PCBP3: variants seen among roughly 807,000 people sequenced by gnomAD.
PCBP3 encodes the protein poly(rC) binding protein 3.
Under a neutral mutation model 52.7 loss-of-function variants are expected in PCBP3, and 25 were observed. That is an observed-to-expected ratio of 0.47 (90% CI 0.35 to 0.66). The LOEUF (loss-of-function observed/expected upper bound fraction) is 0.66. Ranked by LOEUF, PCBP3 falls within the 30% of genes least tolerant of loss-of-function variation. PCBP3 has a pLI of 0.01. For synonymous variants in PCBP3, 162 were observed against 183.0 expected (o/e 0.89, Z 0.93); for missense variants, 391 against 490.3 (o/e 0.80, Z 1.91).
intron 2 of PCBP3, among the ~76,000 whole-genome samples, chr21:45,713,852 CTG>C (rs1883215876): frequency 6.6e-6 from 1 of 152,216 alleles, no homozygotes; most frequent in South Asian, 2.1e-4. Context: ...GGCCCTGCTT[CTG>C]ATTTCTGTTT....
At chr21:45,804,141 T>C (rs977043648) in intron 4 of PCBP3, among the ~76,000 whole-genome samples, 2 of 152,166 alleles carry the variant, frequency 1.3e-5, no homozygotes, top group Non-Finnish European at 2.9e-5. Context: ...GCTGCCCGCG[T>C]GGCTGTAGTG....
chr21:45,845,274 A>G (rs1189288004), intron 4 of PCBP3, among the ~76,000 whole-genome samples: 3 of 152,270 alleles, frequency 2.0e-5, no homozygotes, highest in Admixed American at 6.5e-5. Context: ...ACAGAGAGAC[A>G]GCATGCTGCC....
At chr21:45,894,729 G>A (rs1244290163) in intron 5 of PCBP3, among the ~76,000 whole-genome samples, 1 of 152,208 alleles carries the variant, frequency 6.6e-6, no homozygotes, top group Non-Finnish European at 1.5e-5. Flanking sequence ...GCTTGTGGAT[G>A]TTTAGTTTTA....
At chr21:45,700,015 G>A (rs1241573043) in intron 2 of PCBP3, among the ~76,000 whole-genome samples, 1 of 152,146 alleles carries the variant, frequency 6.6e-6, no homozygotes, top group African/African-American at 2.4e-5. Context: ...TAGCTCAAAT[G>A]TCCACAGTCA....
rs902571783 is a variant in PCBP3 at position 45,880,297 on chromosome 21, G to A, written c.11-15911G>A. The stretch of plus-strand genomic sequence containing the variant: ...CCTGGGCCTCGGAGGGGAGGGGAGC[G>A]CCTGGGGCGCCGCGGTCCTGACCCC... On this transcript the variant is annotated intron_variant, in intron 5 of 17. Transcript: ENST00000681687. This position sits in a 1 kb window ranked among gnomAD's most constrained non-coding sequence, Gnocchi z 5.4. Among the ~76,000 whole-genome samples, 28 of 152,176 alleles carry A rather than the reference G, an allele frequency of 1.8e-4. No homozygotes were observed. Among genetic ancestry groups the A allele is most frequent in the African/African-American group, 6.3e-4 (26 of 41,450 alleles).
intron 4 of PCBP3, among the ~76,000 whole-genome samples, chr21:45,820,771 G>A (rs1202495425): frequency 6.6e-6 from 1 of 152,164 alleles, no homozygotes; most frequent in Non-Finnish European, 1.5e-5. Flanking sequence ...TGACGTATCT[G>A]AGCCACGTCC....
rs2093392732 is a variant in PCBP3, at chr21:45,829,493, G to A, written c.-125-20468G>A. On this transcript the variant is annotated intron_variant, in intron 4 of 17. Coordinates refer to ENST00000681687, the MANE Select transcript of PCBP3 (RefSeq NM_001384156.1). This position sits in a 1 kb window ranked among gnomAD's most constrained non-coding sequence, Gnocchi z 5.2. ...CATTCCTTCTCTGGGCCTGGCTTTA[G>A]AGTGTCCCAGTGTCTCTTGCAGTGT... 6.6e-6 allele frequency: 1 copy of A among 152,402 alleles called. No individual in the cohort carries two copies. The highest frequency in any genetic ancestry group is 1.5e-5 in the Non-Finnish European group (1 of 68,204). 9.4% of individuals were successfully genotyped at this position (152,402 alleles called of 1,614,324 possible). A position where few individuals can be genotyped will look rare whatever the true frequency, so the allele number is the denominator to read the frequency against.
intron 1 of PCBP3, among the ~76,000 whole-genome samples, chr21:45,647,634 G>A (rs563334599): frequency 6.6e-6 from 1 of 152,298 alleles, no homozygotes; most frequent in East Asian, 1.9e-4. Context: ...TACAGAGTGT[G>A]TAGTGGTGTG....
chr21:45,792,336 T>A (rs2091655353), intron 4 of PCBP3, among the ~76,000 whole-genome samples: 1 of 152,218 alleles, frequency 6.6e-6, no homozygotes, highest in Non-Finnish European at 1.5e-5. Context: ...AGGGTCTGGC[T>A]GGCCCACCGA....
chr21:45,748,625 C>T (rs936275158), intron 3 of PCBP3, among the ~76,000 whole-genome samples: 4 of 152,372 alleles, frequency 2.6e-5, no homozygotes, highest in South Asian at 2.1e-4. Flanking sequence ...CCTCTGAACA[C>T]GGCTGCATCC....
At position 45,821,353 on chromosome 21, in the gene PCBP3, T is replaced by A. The variant is rs2093130171; in HGVS notation, c.-125-28608T>A. 6.6e-6 allele frequency among the ~76,000 whole-genome samples: 1 copy of A among 151,950 alleles called. No homozygotes were observed. Among genetic ancestry groups the A allele is most frequent in the Admixed American group, 6.6e-5 (1 of 15,260 alleles). On this transcript the variant is annotated intron_variant, in intron 4 of 17. Transcript: ENST00000681687. The surrounding 1 kb of genome is among the most constrained non-coding windows in gnomAD (Gnocchi z 4.4). ...CAGCCCAGGAGGTCCTCAACTGAGG[T>A]CCAGTACCCCCCTGCACCACGCTGT...
intron 13 of PCBP3, 78 bp from the exon 14 acceptor site, chr21:45,929,839 G>T: frequency 9.4e-7 from 1 of 1,066,056 alleles, no homozygotes; most frequent in Non-Finnish European, 1.5e-6. Context: ...GCAAAGTTCT[G>T]TTACTGCCGT....
intron 2 of PCBP3, among the ~76,000 whole-genome samples, chr21:45,696,609 C>T (rs1323917243): frequency 6.6e-6 from 1 of 151,890 alleles, no homozygotes; most frequent in Admixed American, 6.6e-5. Flanking sequence ...TGGCCAACAT[C>T]GTGGAACCCC....
intron 5 of PCBP3, among the ~76,000 whole-genome samples, chr21:45,879,496 G>A (rs918460675): frequency 6.6e-5 from 10 of 152,206 alleles, no homozygotes; most frequent in African/African-American, 2.2e-4. Flanking sequence ...TGCAGACAAT[G>A]CAGACACCAC....
chr21:45,934,099 G>T (rs2076620733), intron 15 of PCBP3, among the ~76,000 whole-genome samples: 1 of 152,124 alleles, frequency 6.6e-6, no homozygotes, highest in South Asian at 2.1e-4. Context: ...CAGCAAGAGG[G>T]AAGCATGGGG....
At chr21:45,897,601 C>T (rs149350663) in intron 6 of PCBP3, among the ~76,000 whole-genome samples, 1 of 152,276 alleles carries the variant, frequency 6.6e-6, no homozygotes, top group African/African-American at 2.4e-5. Context: ...CCTGCTTTGG[C>T]CAGAACCCCA....
At chr21:45,921,432 T>C (rs999877173) in intron 13 of PCBP3, among the ~76,000 whole-genome samples, 3 of 152,226 alleles carry the variant, frequency 2.0e-5, no homozygotes, top group Non-Finnish European at 2.9e-5. Context: ...AGTATTTCTT[T>C]ATGTAAAACT....
intron 5 of PCBP3, among the ~76,000 whole-genome samples, chr21:45,864,643 C>T (rs184756538): frequency 6.6e-6 from 1 of 152,234 alleles, no homozygotes; most frequent in Non-Finnish European, 1.5e-5. Context: ...CATGTTTAGT[C>T]ACATTTCCTG....
chr21:45,734,477 G>A (rs764294515), intron 2 of PCBP3, among the ~76,000 whole-genome samples: 1 of 152,166 alleles, frequency 6.6e-6, no homozygotes, highest in Non-Finnish European at 1.5e-5. Flanking sequence ...GGGGTCCTGA[G>A]TGCAGTGCAT....
Sources: allele counts gnomAD v4.1 joint callset (sites outside exome capture counted in the v4.1 genomes callset), GRCh38; gene constraint gnomAD v4.1.1; non-coding constraint Gnocchi (gnomAD v3.1); transcripts MANE v1.5; gene names NCBI Gene and HGNC (gene_info 2026-07-23, HGNC 2026-07-21).